SEPHS1: variants seen among roughly 807,000 people sequenced by gnomAD.
The protein encoded by SEPHS1 is zincore component SEPHS1.
SEPHS1 carries 7 observed loss-of-function variants against 39.2 expected under a neutral mutation model. The observed-to-expected ratio is 0.18, with a 90% CI of 0.10 to 0.34. The LOEUF (loss-of-function observed/expected upper bound fraction) is 0.34. Among genes scored for constraint, SEPHS1 ranks in the 10% least tolerant of loss-of-function variants. SEPHS1 has a pLI of 1.00. For missense variants in SEPHS1, 253 were observed against 514.5 expected, an observed-to-expected ratio of 0.49 and a Z score of 4.92; for synonymous variants, 190 against 195.5, an observed-to-expected ratio of 0.97 and a Z score of 0.23.
At chr10:13,336,863 AGCTTAG>A (rs1833651474) in intron 3 of SEPHS1, among the ~76,000 whole-genome samples, 1 of 152,236 alleles carries the variant, frequency 6.6e-6, no homozygotes, top group Non-Finnish European at 1.5e-5. Context: ...AAATGTTTGC[AGCTTAG>A]GCTGGGTGTG....
chr10:13,338,294 T>C (rs1833697464), intron 3 of SEPHS1, among the ~76,000 whole-genome samples: 1 of 152,172 alleles, frequency 6.6e-6, no homozygotes, highest in African/African-American at 2.4e-5. Flanking sequence ...AGGAAACATT[T>C]AGGATCAGTC....
In SEPHS1 at chr10:13,331,678, C is replaced by T. The variant is rs552734162; in HGVS notation, c.561-1890G>A. Reference sequence around the variant, plus strand: ...GATTACAGGCATGAGCCACCACGCCCGGCCAAAAGACTGACTTTTCTTAAC... The same window carrying T: ...GATTACAGGCATGAGCCACCACGCCTGGCCAAAAGACTGACTTTTCTTAAC... On this transcript the variant is annotated intron_variant, in intron 5 of 8. Coordinates refer to ENST00000327347, the MANE Select transcript of SEPHS1 (RefSeq NM_012247.5). 5.4e-4 allele frequency among the ~76,000 whole-genome samples: 83 copies of T among 152,304 alleles called. No homozygotes were observed. The South Asian group carries it at 0.017, about 30-fold the overall frequency.
intron 5 of SEPHS1, among the ~76,000 whole-genome samples, chr10:13,331,376 T>C (rs1281636663): frequency 6.8e-6 from 1 of 146,712 alleles, no homozygotes; most frequent in African/African-American, 2.4e-5. Flanking sequence ...GGTCAAATGG[T>C]ATTTCTAATT....
chr10:13,332,778 G>A (rs1256696141), intron 5 of SEPHS1, among the ~76,000 whole-genome samples: 1 of 149,902 alleles, frequency 6.7e-6, no homozygotes, highest in African/African-American at 2.5e-5. Flanking sequence ...GGGAGATGGA[G>A]CTTGCAGTGA....
intron 8 of SEPHS1, among the ~76,000 whole-genome samples, chr10:13,321,523 C>G (rs960078893): frequency 1.5e-4 from 23 of 152,142 alleles, no homozygotes; most frequent in African/African-American, 5.6e-4. Context: ...AGCCACCAGG[C>G]CTGGCCGGCA....
intron 6 of SEPHS1, among the ~76,000 whole-genome samples, chr10:13,328,855 C>T (rs900359128): frequency 6.6e-6 from 1 of 152,196 alleles, no homozygotes; most frequent in East Asian, 1.9e-4. Context: ...GGCACCTCTG[C>T]GCAACATCCC....
At chr10:13,332,840 C>T (rs1213780235) in intron 5 of SEPHS1, among the ~76,000 whole-genome samples, 1 of 142,108 alleles carries the variant, frequency 7.0e-6, no homozygotes, top group African/African-American at 2.9e-5. Context: ...AAGACTCCGT[C>T]TCAAAAAAAA....
chr10:13,344,924 C>G lies in SEPHS1; in HGVS notation c.27G>C (p.Pro9=). Residue 9 remains proline (P), a synonymous_variant, in exon 2 of 9, where the codon CCG becomes CCC. Transcript: ENST00000327347. ...AGCTTTTGTCCAATTCGTAACTTTC[C>G]GGGTTAAAGGACTCCCGCGTAGACA... is the stretch of plus-strand genomic sequence containing the variant. The part of the protein sequence containing the change: MSTRESFN[P]ESYELDKSFR... 6.3e-7 allele frequency: 1 copy of G among 1,590,148 alleles called. No individual in the cohort carries two copies. The highest frequency in any genetic ancestry group is 8.6e-7 in the Non-Finnish European group (1 of 1,167,146).
rs747832382 is a variant in SEPHS1, at chr10:13,328,479, G to T, written c.652-29C>A. 138 of 1,442,754 alleles carry T rather than the reference G, an allele frequency of 9.6e-5. 2 individuals carry two copies. In the South Asian group the frequency reaches 1.6e-3, roughly 16 times the overall value. The allele number at this position is 1,442,754 out of a possible 1,614,324, so 89.4% of individuals were successfully genotyped here. On this transcript the variant is annotated intron_variant, in intron 6 of 8. Coordinates refer to ENST00000327347, the MANE Select transcript of SEPHS1 (RefSeq NM_012247.5). ...ATAATAGAAATGTAGGTGAGGGAGAGAAAGAGAGGAAAATGTGATTAATCT... is the reference window on the plus strand; with the variant it reads ...ATAATAGAAATGTAGGTGAGGGAGATAAAGAGAGGAAAATGTGATTAATCT...
Position 13,322,816 on chromosome 10 carries a change from T to A in SEPHS1, c.964+19A>T. 3 of 1,609,234 alleles carry A rather than the reference T, an allele frequency of 1.9e-6. No homozygotes were observed. Among genetic ancestry groups the A allele is most frequent in the Non-Finnish European group, 2.5e-6 (3 of 1,177,838 alleles). On this transcript the variant is annotated intron_variant, in intron 8 of 8. Transcript: ENST00000327347. Reference sequence around the variant, plus strand: ...TTAGCCTCACTATTTAGTCCTCAGATGCGCCCAGCATCCTGTACCTGAAGT... The same window carrying A: ...TTAGCCTCACTATTTAGTCCTCAGAAGCGCCCAGCATCCTGTACCTGAAGT...
chr10:13,318,845 A>C lies in SEPHS1; in HGVS notation c.*297T>G, dbSNP rs1386491033. ...GCCTGTGCTATGTGAAAGCACCTTTAAAAAGCCTATGCGGCAAGAGATAAG... is the reference window on the plus strand; with the variant it reads ...GCCTGTGCTATGTGAAAGCACCTTTCAAAAGCCTATGCGGCAAGAGATAAG... On this transcript the variant is annotated 3_prime_UTR_variant, in exon 9 of 9. Coordinates refer to ENST00000327347, the MANE Select transcript of SEPHS1 (RefSeq NM_012247.5). The C allele has an allele frequency of 1.4e-5, 5 of 353,768 alleles. No homozygotes were observed. Among genetic ancestry groups the C allele is most frequent in the Non-Finnish European group, 2.5e-5 (5 of 196,918 alleles). The allele number at this position is 353,768 out of a possible 1,614,324, so 21.9% of individuals were successfully genotyped here. A position where few individuals can be genotyped will look rare whatever the true frequency, so the allele number is the denominator to read the frequency against.
intron 7 of SEPHS1, among the ~76,000 whole-genome samples, chr10:13,328,123 C>A (rs10796060): frequency 6.6e-6 from 1 of 151,908 alleles, no homozygotes; most frequent in African/African-American, 2.4e-5. Context: ...AGAAATAGTT[C>A]CTCTGGTATG....
chr10:13,336,202 G>C, intron 4 of SEPHS1, 41 bp downstream of exon 4: 1 of 1,416,408 alleles, frequency 7.1e-7, no homozygotes, highest in Non-Finnish European at 1.0e-6. Context: ...ATGCCACCGG[G>C]ACAACACGGA....
chr10:13,332,341 C>T (rs910825352), intron 5 of SEPHS1, among the ~76,000 whole-genome samples: 2 of 152,190 alleles, frequency 1.3e-5, no homozygotes, highest in African/African-American at 4.8e-5. Context: ...GACAAAAGCA[C>T]ATTCTTGGTT....
At chr10:13,328,865 C>T (rs1833382821) in intron 6 of SEPHS1, among the ~76,000 whole-genome samples, 1 of 152,212 alleles carries the variant, frequency 6.6e-6, no homozygotes, top group African/African-American at 2.4e-5. Context: ...CGCAACATCC[C>T]CGCAGTGGCC....
intron 5 of SEPHS1, among the ~76,000 whole-genome samples, chr10:13,332,842 CA>C (rs113720110): frequency 3.0e-4 from 31 of 104,216 alleles, no homozygotes; most frequent in Middle Eastern, 6.2e-3. Context: ...GACTCCGTCT[CA>C]AAAAAAAAAA....
In SEPHS1 at chr10:13,328,391, G is replaced by A. The variant is rs556796458; in HGVS notation, c.711C>T (p.Tyr237=). ...TCGCCATGTTCATCATCGCCTCCTG[G>A]TAGGCCAGCTCTACATCTTCTTGGG... is the stretch of plus-strand genomic sequence containing the variant. ...VVTQEDVELA[Y]QEAMMNMARL... Residue 237 remains tyrosine (Y), a synonymous_variant, in exon 7 of 9, where the codon TAC becomes TAT. Transcript: ENST00000327347. 6.2e-6 allele frequency: 10 copies of A among 1,613,886 alleles called. No individual in the cohort carries two copies. In the East Asian group the frequency reaches 8.9e-5, roughly 14 times the overall value.
intron 2 of SEPHS1, among the ~76,000 whole-genome samples, chr10:13,344,260 A>G (rs1833869861): frequency 6.6e-6 from 1 of 152,230 alleles, no homozygotes; most frequent in African/African-American, 2.4e-5. Flanking sequence ...AGGGAATGTG[A>G]GCATTTTAGG....
At chr10:13,320,822 C>T (rs1326484514) in intron 8 of SEPHS1, among the ~76,000 whole-genome samples, 2 of 152,038 alleles carry the variant, frequency 1.3e-5, no homozygotes, top group Non-Finnish European at 2.9e-5. Context: ...GAGGAAAACT[C>T]CATCATAAAA....
Sources: allele counts gnomAD v4.1 joint callset (sites outside exome capture counted in the v4.1 genomes callset), GRCh38; gene constraint gnomAD v4.1.1; transcripts MANE v1.5; gene names NCBI Gene and HGNC (gene_info 2026-07-23, HGNC 2026-07-21).